Variants in CLSTN2 observed in about 807,000 individuals in gnomAD.
CLSTN2 encodes the protein calsyntenin-2.
Under a neutral mutation model 101.2 loss-of-function variants are expected in CLSTN2, and 48 were observed. The ratio of observed to expected loss-of-function variants is 0.47; its 90% CI spans 0.38 to 0.60. The LOEUF (loss-of-function observed/expected upper bound fraction) is 0.60, where lower values mean the gene tolerates loss of function less well. CLSTN2 is among the 20% of genes least tolerant of loss of function. The pLI, the probability that CLSTN2 is intolerant of heterozygous loss-of-function variation, is 0.00. For synonymous variants in CLSTN2, 481 were observed against 463.6 expected, an observed-to-expected ratio of 1.04 and a Z score of -0.48; for missense variants, 1,160 against 1,238.2, an observed-to-expected ratio of 0.94 and a Z score of 0.95.
chr3:140,563,186 G>T lies in CLSTN2; in HGVS notation c.2465G>T (p.Ser822Ile). The change falls in exon 15 of 17, where the codon AGC (serine) becomes ATC (isoleucine). Residue 822 changes from serine (S) to isoleucine (I), a missense_variant. Ser to Ile is a moderately radical substitution (Grantham distance 142). Coordinates refer to ENST00000458420, the MANE Select transcript of CLSTN2 (RefSeq NM_022131.3). ...QSVHHPESRS[S>I]IQHSSVVPSI... ...GTCCATCATCCTGAGTCCCGGAGTA[G>T]CATCCAGCACAGTTCAGGTAGGGTG... The T allele has an allele frequency of 6.2e-7, 1 of 1,614,030 alleles. No homozygotes were observed.
intron 8 of CLSTN2, among the ~76,000 whole-genome samples, chr3:140,502,292 T>C (rs1934593987): frequency 6.6e-6 from 1 of 152,164 alleles, no homozygotes; most frequent in Admixed American, 6.5e-5. Context: ...TTGTAGCAAA[T>C]GAACACAGGC....
At chr3:140,532,508 T>A (rs368220634) in intron 9 of CLSTN2, 22 bp downstream of exon 9, 5 of 1,597,100 alleles carry the variant, frequency 3.1e-6, no homozygotes, top group Non-Finnish European at 4.3e-6. Flanking sequence ...TGAAACCCTT[T>A]TCTCTGACCT....
intron 1 of CLSTN2, among the ~76,000 whole-genome samples, chr3:140,167,924 G>A (rs2010158957): frequency 6.6e-6 from 1 of 152,038 alleles, no homozygotes; most frequent in African/African-American, 2.4e-5. Context: ...TCCATTATCT[G>A]GATATTCTGC....
chr3:140,143,922 C>T (rs755533728), intron 1 of CLSTN2, among the ~76,000 whole-genome samples: 1 of 152,228 alleles, frequency 6.6e-6, no homozygotes, highest in Non-Finnish European at 1.5e-5. Flanking sequence ...AGATACTAAA[C>T]ACTGTTAAGG....
At chr3:140,454,782 C>A (rs1335918474) in intron 6 of CLSTN2, 1 of 152,224 alleles carries the variant, frequency 6.6e-6, no homozygotes, top group Non-Finnish European at 1.5e-5. Context: ...GCATGGTGAA[C>A]CACAGATGGG....
chr3:140,166,761 GAC>G (rs1288281722), intron 1 of CLSTN2, among the ~76,000 whole-genome samples: 1 of 152,176 alleles, frequency 6.6e-6, no homozygotes, highest in African/African-American at 2.4e-5. Flanking sequence ...TGAGTGCAAA[GAC>G]ACGGGCATTT....
At chr3:140,404,810 C>A in intron 4 of CLSTN2, 44 bp downstream of exon 4, 2 of 1,514,278 alleles carry the variant, frequency 1.3e-6, no homozygotes, top group South Asian at 1.1e-5. Context: ...GAAAACAAAT[C>A]CATCGCCTCC....
chr3:140,068,401 G>T (rs554882437), intron 1 of CLSTN2, among the ~76,000 whole-genome samples: 2 of 152,310 alleles, frequency 1.3e-5, no homozygotes, highest in African/African-American at 4.8e-5. Context: ...GAGGTTCCTG[G>T]CACTTGGTAG....
At chr3:140,220,531 G>T (rs886247071) in intron 2 of CLSTN2, among the ~76,000 whole-genome samples, 13 of 152,210 alleles carry the variant, frequency 8.5e-5, no homozygotes, top group Admixed American at 3.3e-4. Flanking sequence ...AGCATAGCAA[G>T]CACATCCACC....
intron 1 of CLSTN2, among the ~76,000 whole-genome samples, chr3:140,086,569 G>A (rs567407246): frequency 2.0e-5 from 3 of 152,256 alleles, no homozygotes; most frequent in East Asian, 1.9e-4. Context: ...ATACATATCC[G>A]TGACCTTCAA....
At chr3:140,220,644 C>G (rs1647479664) in intron 2 of CLSTN2, among the ~76,000 whole-genome samples, 1 of 152,224 alleles carries the variant, frequency 6.6e-6, no homozygotes. Context: ...GAAATATCTT[C>G]AAATTCTAAA....
At chr3:140,173,376 T>C (rs2107827366) in intron 1 of CLSTN2, among the ~76,000 whole-genome samples, 1 of 152,342 alleles carries the variant, frequency 6.6e-6, no homozygotes. Flanking sequence ...TCTGTTGCTT[T>C]GCAGGGTACA....
rs971297470 is a variant in CLSTN2 at position 140,415,504 on chromosome 3, A to C, written c.638-5621A>C. 1.7e-4 allele frequency among the ~76,000 whole-genome samples: 25 copies of C among 151,030 alleles called. No homozygotes were observed. In the South Asian group the frequency reaches 2.1e-3, roughly 13 times the overall value. On this transcript the variant is annotated intron_variant, in intron 4 of 16. Transcript: ENST00000458420. ...AAAATAGCAAAAAAAAAAAAAAAAA[A>C]AAAAAACAAACTGATTTTAAAATGT...
At chr3:140,502,946 A>G (rs565360163) in intron 8 of CLSTN2, among the ~76,000 whole-genome samples, 1 of 152,120 alleles carries the variant, frequency 6.6e-6, no homozygotes, top group South Asian at 2.1e-4. Flanking sequence ...CCGGGGCTAA[A>G]ATCAATCAAA....
rs143140571 is a variant in CLSTN2, at chr3:140,262,879, C to T, written c.232+86806C>T. ...GGCAAAGAAAATGGTAAGCCAGGAC[C>T]GGACCTCTTCAGAGAAAGAAAGGGA... is the stretch of plus-strand genomic sequence containing the variant. On this transcript the variant is annotated intron_variant, in intron 2 of 16. Coordinates refer to ENST00000458420, the MANE Select transcript of CLSTN2 (RefSeq NM_022131.3). Among the ~76,000 whole-genome samples, 69 of 152,084 alleles carry T rather than the reference C, an allele frequency of 4.5e-4. 1 individual carries two copies. The highest frequency in any genetic ancestry group is 1.2e-3 in the African/African-American group (50 of 41,500).
At chr3:140,171,575 A>G (rs2010213243) in intron 1 of CLSTN2, among the ~76,000 whole-genome samples, 1 of 143,700 alleles carries the variant, frequency 7.0e-6, no homozygotes, top group Non-Finnish European at 1.5e-5. Flanking sequence ...AAAATTTGTA[A>G]TGTAATATAT....
At chr3:139,991,690 G>T (rs755631741) in intron 1 of CLSTN2, among the ~76,000 whole-genome samples, 17 of 152,214 alleles carry the variant, frequency 1.1e-4, no homozygotes, top group Non-Finnish European at 2.4e-4. Context: ...ATTAGCCAAG[G>T]TTGTTTCAGA....
At chr3:140,478,897 AG>A (rs1934052690) in intron 8 of CLSTN2, among the ~76,000 whole-genome samples, 1 of 151,246 alleles carries the variant, frequency 6.6e-6, no homozygotes, top group South Asian at 2.1e-4. Flanking sequence ...GAAGGAAGGA[AG>A]GAAGGAAGGG....
chr3:140,241,173 A>C (rs1166382171), intron 2 of CLSTN2, among the ~76,000 whole-genome samples: 1 of 152,196 alleles, frequency 6.6e-6, no homozygotes, highest in Non-Finnish European at 1.5e-5. Flanking sequence ...TCATGGTATG[A>C]CTTATACCCA....
Sources: allele counts gnomAD v4.1 joint callset (sites outside exome capture counted in the v4.1 genomes callset), GRCh38; gene constraint gnomAD v4.1.1; transcripts MANE v1.5; gene names NCBI Gene and HGNC (gene_info 2026-07-23, HGNC 2026-07-21).